The following PIK3CD variants were observed in gnomAD, a reference collection of about 807,000 sequenced individuals.
The protein encoded by PIK3CD is phosphatidylinositol 4,5-bisphosphate 3-kinase catalytic subunit delta isoform.
In PIK3CD, 20 loss-of-function variants were observed where a neutral mutation model predicts 122.9. The observed-to-expected ratio is 0.16, with a 90% CI of 0.11 to 0.24. PIK3CD has a LOEUF of 0.24. Ranked by LOEUF, PIK3CD falls within the 10% of genes least tolerant of loss-of-function variation. The pLI is 1.00. For missense variants in PIK3CD, 787 were observed against 1,406.3 expected (o/e 0.56, Z 7.04); for synonymous variants, 596 against 593.4 (o/e 1.00, Z -0.06).
At chr1:9,703,509 T>A (rs895118849) in intron 2 of PIK3CD, among the ~76,000 whole-genome samples, 2 of 152,216 alleles carry the variant, frequency 1.3e-5, no homozygotes, top group Non-Finnish European at 2.9e-5. Context: ...GCCCTTCTAG[T>A]CACTCCCCCA....
chr1:9,629,745 C>T, the PIK3CD span, among the ~76,000 whole-genome samples: 19 of 152,098 alleles, frequency 1.2e-4, no homozygotes, highest in Admixed American at 2.0e-4. Context: ...GGGTACTCGC[C>T]GGACTCCCAG....
In PIK3CD at chr1:9,724,253, C is replaced by A. The variant is rs375012549; in HGVS notation, c.2719-23C>A. On this transcript the variant is annotated intron_variant, in intron 21 of 23. Transcript: ENST00000377346. The surrounding 1 kb of genome is among the most constrained non-coding windows in gnomAD (Gnocchi z 7.3). ...CCTGTCTGACACCTTCTCAATCCTC[C>A]CCCTCCTCTCCCCTCCCCTCAGCTG... 3.7e-6 allele frequency: 6 copies of A among 1,613,958 alleles called. No homozygotes were observed. The highest frequency in any genetic ancestry group is 5.1e-6 in the Non-Finnish European group (6 of 1,179,936).
chr1:9,696,221 C>T (rs1002353933), intron 2 of PIK3CD, among the ~76,000 whole-genome samples: 9 of 151,986 alleles, frequency 5.9e-5, no homozygotes, highest in African/African-American at 1.4e-4. Flanking sequence ...ATCCACCCAC[C>T]GTGGCCTCCC....
At chr1:9,685,579 G>A (rs1645935896) in intron 1 of PIK3CD, among the ~76,000 whole-genome samples, 1 of 152,082 alleles carries the variant, frequency 6.6e-6, no homozygotes, top group Non-Finnish European at 1.5e-5. Context: ...GGCCAGTCTC[G>A]AACTCCTGAC....
At chr1:9,646,081 ACTT>A in the PIK3CD span, among the ~76,000 whole-genome samples, 1 of 152,008 alleles carries the variant, frequency 6.6e-6, no homozygotes, top group East Asian at 1.9e-4. Flanking sequence ...CGAAAGTGAA[ACTT>A]CTTAGGACAG....
rs1240973292 is a variant in PIK3CD at position 9,689,410 on chromosome 1, TG to T, written c.-137-2052del. ...TGTGAGCTCGGGCGCTTCTCCCGGC[TG>T]GGGGTGTGAGAATTTGCCGACGGTG... On this transcript the variant is annotated intron_variant, in intron 1 of 23. Transcript: ENST00000377346. This position sits in a 1 kb window ranked among gnomAD's most constrained non-coding sequence, Gnocchi z 6.1. Among the ~76,000 whole-genome samples the T allele has an allele frequency of 2.6e-5, 4 of 151,286 alleles. No homozygotes were observed. The highest frequency in any genetic ancestry group is 1.3e-4 in the Admixed American group (2 of 15,204).
intron 1 of PIK3CD, among the ~76,000 whole-genome samples, chr1:9,666,073 C>A (rs904725864): frequency 6.6e-6 from 1 of 151,808 alleles, no homozygotes; most frequent in African/African-American, 2.4e-5. Flanking sequence ...ATTACAGGCG[C>A]CCGCCATCAT....
In PIK3CD at chr1:9,721,514, G is replaced by A. The variant is rs1287221059; in HGVS notation, c.1882G>A (p.Glu628Lys). ...CAAGTACGAGTCCTACCTGGACTGC[G>A]AGCTGACCAAATTCCTGCTGGACCG... ...VLKYESYLDCELTKFLLDRAL... is the reference protein window; with the variant it reads ...VLKYESYLDCKLTKFLLDRAL... The change falls in exon 15 of 24, where the codon GAG becomes AAG. Residue 628 changes from glutamate (E) to lysine (K), a missense_variant. By Grantham distance (56) the Glu-to-Lys change is moderately conservative (BLOSUM62 1). This residue lies in a region of PIK3CD where 592 missense variants were observed against 920.6 expected (regional missense o/e 0.64). Transcript: ENST00000377346. The A allele has an allele frequency of 3.7e-6, 6 of 1,613,744 alleles. No homozygotes were observed. Among genetic ancestry groups the A allele is most frequent in the African/African-American group, 1.3e-5 (1 of 74,922 alleles).
chr1:9,646,204 G>T, the PIK3CD span, among the ~76,000 whole-genome samples: 1 of 152,136 alleles, frequency 6.6e-6, no homozygotes, highest in Non-Finnish European at 1.5e-5. Context: ...ACTTTCCTGA[G>T]CCTCAGTTTT....
At chr1:9,679,358 G>A (rs1019272896) in intron 1 of PIK3CD, among the ~76,000 whole-genome samples, 4 of 151,792 alleles carry the variant, frequency 2.6e-5, no homozygotes, top group Admixed American at 6.6e-5. Context: ...GTGAGCCACC[G>A]CGCCTGGTCT....
At chr1:9,714,035 A>G (rs772628534) in intron 3 of PIK3CD, among the ~76,000 whole-genome samples, 28 of 151,826 alleles carry the variant, frequency 1.8e-4, no homozygotes, top group Middle Eastern at 3.4e-3. Context: ...TATTTTTTGT[A>G]GAGATGGAGT....
chr1:9,718,989 A>G lies in PIK3CD; in HGVS notation c.1242+74A>G. On this transcript the variant is annotated intron_variant, in intron 9 of 23. Coordinates refer to ENST00000377346, the MANE Select transcript of PIK3CD (RefSeq NM_005026.5). The surrounding 1 kb of genome is among the most constrained non-coding windows in gnomAD (Gnocchi z 7.2). Reference sequence around the variant, plus strand: ...ACAGCCCCTTGCTGGGCCACTCACCACTCTCCTCCCGGCAAGCACGCAGCC... The same window carrying G: ...ACAGCCCCTTGCTGGGCCACTCACCGCTCTCCTCCCGGCAAGCACGCAGCC... 1.4e-6 allele frequency: 2 copies of G among 1,400,638 alleles called. No homozygotes were observed. Among genetic ancestry groups the G allele is most frequent in the Non-Finnish European group, 2.0e-6 (2 of 1,005,848 alleles). The allele number at this position is 1,400,638 out of a possible 1,614,324, so 86.8% of individuals were successfully genotyped here.
Position 9,676,855 on chromosome 1 carries a change from A to T in PIK3CD, c.-137-14612A>T, listed in dbSNP as rs147420224. On this transcript the variant is annotated intron_variant, in intron 1 of 23. Transcript: ENST00000377346. Reference sequence around the variant, plus strand: ...TTGAAGATGAGCCTGTTGAAAGATGAAGAGGCTGTGCTATGGGACAGAGTC... The same window carrying T: ...TTGAAGATGAGCCTGTTGAAAGATGTAGAGGCTGTGCTATGGGACAGAGTC... Among the ~76,000 whole-genome samples, 1,193 of 152,272 alleles carry T rather than the reference A, an allele frequency of 7.8e-3. 36 individuals are homozygous for T. Among genetic ancestry groups the T allele is most frequent in the Admixed American group, 0.049 (747 of 15,288 alleles).
At chr1:9,705,759 A>G (rs1440228473) in intron 2 of PIK3CD, among the ~76,000 whole-genome samples, 1 of 151,768 alleles carries the variant, frequency 6.6e-6, no homozygotes, top group Non-Finnish European at 1.5e-5. Context: ...AATGCAAATT[A>G]AAACGAGATA....
Position 9,727,146 on chromosome 1 carries a change from C to A in PIK3CD, c.*100C>A. ...GCTGAAGAGCCTGAACTGCACCTAA[C>A]GGGAAAGAACCGACATGGCTGCCTT... On this transcript the variant is annotated 3_prime_UTR_variant, in exon 24 of 24. Transcript: ENST00000377346. 7.4e-7 allele frequency: 1 copy of A among 1,343,924 alleles called. No homozygotes were observed. Among genetic ancestry groups the A allele is most frequent in the Non-Finnish European group, 1.1e-6 (1 of 945,504 alleles). The allele number at this position is 1,343,924 out of a possible 1,614,324, so 83.2% of individuals were successfully genotyped here.
In PIK3CD at chr1:9,702,500, C is replaced by CTTTTTTTTTTTTTTTTTTTTTTTTTT. The variant is rs60167511; in HGVS notation, c.-32-7912_-32-7887dup. 6.6e-4 allele frequency among the ~76,000 whole-genome samples: 17 copies of CTTTTTTTTTTTTTTTTTTTTTTTTTT among 25,826 alleles called. 7 individuals carry two copies. Among genetic ancestry groups the CTTTTTTTTTTTTTTTTTTTTTTTTTT allele is most frequent in the Non-Finnish European group, 1.7e-3 (16 of 9,540 alleles). 16.9% of individuals were successfully genotyped at this position (25,826 alleles called of 152,430 possible). ...GTCCACTTCCAAGGAAAGAACTTTCCTTTTTTTTTTTTTTTTTTTTTTTTT... is the reference window on the plus strand; with the variant it reads ...GTCCACTTCCAAGGAAAGAACTTTCCTTTTTTTTTTTTTTTTTTTTTTTTTTTTTTTTTTTTTTTTTTTTTTTTTTT... On this transcript the variant is annotated intron_variant, in intron 2 of 23. Transcript: ENST00000377346.
chr1:9,661,928 G>A (rs373592937), intron 1 of PIK3CD, among the ~76,000 whole-genome samples: 23 of 152,174 alleles, frequency 1.5e-4, no homozygotes, highest in East Asian at 1.2e-3. Context: ...CCCAGGCGGC[G>A]GAGCTTGCAG....
intron 1 of PIK3CD, among the ~76,000 whole-genome samples, chr1:9,659,463 A>T (rs1304639535): frequency 1.3e-5 from 2 of 152,166 alleles, no homozygotes; most frequent in African/African-American, 4.8e-5. Context: ...ACTATTGTGC[A>T]ACCGTCACCA....
chr1:9,700,391 G>C lies in PIK3CD; in HGVS notation c.-33+8820G>C, dbSNP rs540358599. Among the ~76,000 whole-genome samples the C allele has an allele frequency of 6.6e-6, 1 of 152,204 alleles. No homozygotes were observed. Among genetic ancestry groups the C allele is most frequent in the African/African-American group, 2.4e-5 (1 of 41,458 alleles). On this transcript the variant is annotated intron_variant, in intron 2 of 23. Coordinates refer to ENST00000377346, the MANE Select transcript of PIK3CD (RefSeq NM_005026.5). This position sits in a 1 kb window ranked among gnomAD's most constrained non-coding sequence, Gnocchi z 5.1. The stretch of plus-strand genomic sequence containing the variant: ...CGTGGTGTCCTGGCCAGAACCCCAT[G>C]TGCGGGAGGGCTCCGCTTTGCACAG...
Sources: gnomAD v4.1 joint callset for allele counts (sites outside exome capture counted in the v4.1 genomes callset) on GRCh38, gnomAD v4.1.1 for gene constraint, gnomAD v4.1.1 regional missense constraint, Gnocchi (gnomAD v3.1) non-coding constraint, MANE v1.5 for transcripts, NCBI Gene and HGNC (gene_info 2026-07-23, HGNC 2026-07-21) for gene names.